Variants in LRRCC1 observed in about 807,000 individuals in gnomAD.
LRRCC1 encodes leucine rich repeat and coiled-coil centrosomal protein 1.
In LRRCC1, 115 loss-of-function variants were observed where a neutral mutation model predicts 126.0. The ratio of observed to expected loss-of-function variants is 0.91; its 90% CI spans 0.78 to 1.07. LRRCC1 has a LOEUF of 1.07. Ranked by LOEUF, LRRCC1 falls within the 50% of genes least tolerant of loss-of-function variation. The pLI is 0.00. For missense variants in LRRCC1, 1,172 were observed against 1,175.7 expected, an observed-to-expected ratio of 1.00 and a Z score of 0.05; for synonymous variants, 400 against 393.4, an observed-to-expected ratio of 1.02 and a Z score of -0.20.
chr8:85,130,286 C>A (rs866924690), intron 11 of LRRCC1, among the ~76,000 whole-genome samples: 1 of 151,826 alleles, frequency 6.6e-6, no homozygotes, highest in African/African-American at 2.4e-5. Context: ...CAGGCGCCCG[C>A]CACCATGCTG....
At position 85,145,520 on chromosome 8, in the gene LRRCC1, A is replaced by G; in HGVS notation, c.*9A>G. The G allele has an allele frequency of 2.5e-6, 4 of 1,572,678 alleles. No individual in the cohort carries two copies. In the South Asian group the frequency reaches 5.0e-5, roughly 20 times the overall value. On this transcript the variant is annotated 3_prime_UTR_variant, in exon 19 of 19. Coordinates refer to ENST00000360375, the MANE Select transcript of LRRCC1 (RefSeq NM_033402.5). ...TTCAGCAAGATATGTGATGGTTCTG[A>G]GAATGAATTTAATTGAAATAGACCA...
chr8:85,136,177 G>T (rs1263928958), intron 14 of LRRCC1, among the ~76,000 whole-genome samples: 1 of 152,108 alleles, frequency 6.6e-6, no homozygotes, highest in African/African-American at 2.4e-5. Flanking sequence ...AGAAGTTATG[G>T]CTCTGGTTTT....
Position 85,121,868 on chromosome 8 carries a change from T to C in LRRCC1, c.931-1545T>C, listed in dbSNP as rs1393951056. On this transcript the variant is annotated intron_variant, in intron 6 of 18. Transcript: ENST00000360375. ...TGTTTAAACATTATTTGTATTTATC[T>C]GTATATAAATCAACTTGTGATGCTC... is the stretch of plus-strand genomic sequence containing the variant. Among the ~76,000 whole-genome samples, 3 of 152,232 alleles carry C rather than the reference T, an allele frequency of 2.0e-5. No individual in the cohort carries two copies. In the East Asian group the frequency reaches 5.8e-4, roughly 29 times the overall value.
rs768550857 is a variant in LRRCC1 at position 85,126,831 on chromosome 8, C to T, written c.1415C>T (p.Thr472Ile). Residue 472 changes from threonine (T) to isoleucine (I), a missense_variant, in exon 9 of 19, where the codon ACA becomes ATA. Transcript: ENST00000360375. ...EDIHSLALLT[T>I]DRLKEIIFRE... is the part of the protein sequence containing the mutation. Reference sequence around the variant, plus strand: ...ATTCATAGTCTGGCTCTACTTACCACAGATAGGTAAAAAGAAATTAATAAA... The same window carrying T: ...ATTCATAGTCTGGCTCTACTTACCATAGATAGGTAAAAAGAAATTAATAAA... 4 of 1,605,710 alleles carry T rather than the reference C, an allele frequency of 2.5e-6. No individual in the cohort carries two copies.
intron 6 of LRRCC1, among the ~76,000 whole-genome samples, chr8:85,116,185 C>T (rs983853190): frequency 6.6e-6 from 1 of 152,198 alleles, no homozygotes; most frequent in African/African-American, 2.4e-5. Flanking sequence ...CTCCAACCCT[C>T]ACTCCAGCAT....
chr8:85,116,977 A>G (rs1809173855), intron 6 of LRRCC1, among the ~76,000 whole-genome samples: 1 of 152,150 alleles, frequency 6.6e-6, no homozygotes, highest in African/African-American at 2.4e-5. Flanking sequence ...TTGATACTGT[A>G]TGGCTGGACT....
chr8:85,109,653 A>G lies in LRRCC1; in HGVS notation c.163A>G (p.Ile55Val), dbSNP rs901572579. 12 of 1,611,668 alleles carry G rather than the reference A, an allele frequency of 7.4e-6. No homozygotes were observed. In the African/African-American group the frequency reaches 1.2e-4, roughly 16 times the overall value. ...LHAVNLHCNN[I>V]SKIEAIDHIW... ...TGCCGTCAATCTTCATTGCAATAAC[A>G]TCTCCAAGATCGAAGCCATTGATCA... Residue 55 changes from isoleucine (I) to valine (V), a missense_variant, in exon 2 of 19, where the codon ATC (isoleucine) becomes GTC (valine). Coordinates refer to ENST00000360375, the MANE Select transcript of LRRCC1 (RefSeq NM_033402.5).
intron 6 of LRRCC1, among the ~76,000 whole-genome samples, chr8:85,120,362 C>T (rs1809447075): frequency 6.6e-6 from 1 of 152,014 alleles, no homozygotes; most frequent in East Asian, 1.9e-4. Context: ...GTGTTGAAAT[C>T]TCTGTGGTTG....
At chr8:85,127,761 C>A (rs1346873152) in intron 9 of LRRCC1, among the ~76,000 whole-genome samples, 1 of 152,134 alleles carries the variant, frequency 6.6e-6, no homozygotes, top group Non-Finnish European at 1.5e-5. Flanking sequence ...GCTATGAGAA[C>A]CTCTATAATT....
intron 7 of LRRCC1, among the ~76,000 whole-genome samples, chr8:85,124,401 A>C (rs1029582876): frequency 3.9e-5 from 6 of 152,158 alleles, no homozygotes; most frequent in Non-Finnish European, 7.4e-5. Flanking sequence ...ACCAAGTGAT[A>C]GAATCTATTA....
At chr8:85,131,137 A>G (rs1044457815) in intron 11 of LRRCC1, among the ~76,000 whole-genome samples, 1 of 152,216 alleles carries the variant, frequency 6.6e-6, no homozygotes, top group African/African-American at 2.4e-5. Context: ...AGATGAGACA[A>G]TTATAAAAGA....
At chr8:85,139,389 C>T (rs1020971789) in intron 17 of LRRCC1, among the ~76,000 whole-genome samples, 3 of 152,028 alleles carry the variant, frequency 2.0e-5, no homozygotes, top group Non-Finnish European at 4.4e-5. Flanking sequence ...CTCAGCCTCC[C>T]GAGTAGCTGG....
At chr8:85,109,915 C>CA (rs1373250783) in intron 2 of LRRCC1, 115 bp downstream of exon 2, 1 of 637,718 alleles carries the variant, frequency 1.6e-6, no homozygotes, top group Non-Finnish European at 2.6e-6. Context: ...GTCTGAAACT[C>CA]ATTATACAAA....
In LRRCC1 at chr8:85,137,598, C is replaced by A; in HGVS notation, c.2464C>A (p.Gln822Lys). 1.4e-6 allele frequency: 2 copies of A among 1,471,174 alleles called. No homozygotes were observed. Among genetic ancestry groups the A allele is most frequent in the South Asian group, 1.6e-5 (1 of 63,392 alleles). The allele number at this position is 1,471,174 out of a possible 1,614,324, so 91.1% of individuals were successfully genotyped here. A position where few individuals can be genotyped will look rare whatever the true frequency, so the allele number is the denominator to read the frequency against. ...AATAAAGTGCAAAATCATAGACGAC[C>A]AAACTGAAACTATTAGAAAATTAAA... ...LRIKCKIIDD[Q>K]TETIRKLKDC... Residue 822 changes from glutamine to lysine, a missense_variant, in exon 15 of 19, where the codon CAA becomes AAA. By Grantham distance (53) the Gln-to-Lys change is moderately conservative. Coordinates refer to ENST00000360375, the MANE Select transcript of LRRCC1 (RefSeq NM_033402.5).
chr8:85,107,319 G>A lies in LRRCC1; in HGVS notation c.24G>A (p.Val8=), dbSNP rs1808309190. Residue 8 remains valine, a synonymous_variant, in exon 1 of 19, where the codon GTG becomes GTA. Coordinates refer to ENST00000360375, the MANE Select transcript of LRRCC1 (RefSeq NM_033402.5). ...CTATGGAGGCGGCGGCGGCGGTGGT[G>A]GCGGCAGAGGCGGAAGTGGAAAACG... is the stretch of plus-strand genomic sequence containing the variant. MEAAAAV[V]AAEAEVENED... 1 of 1,612,632 alleles carries A rather than the reference G, an allele frequency of 6.2e-7. No homozygotes were observed. Among genetic ancestry groups the A allele is most frequent in the Non-Finnish European group, 8.5e-7 (1 of 1,179,592 alleles).
Position 85,135,781 on chromosome 8 carries a change from A to G in LRRCC1, c.2155-8A>G. On this transcript the variant is annotated splice_polypyrimidine_tract_variant and splice_region_variant and intron_variant, in intron 13 of 18. Coordinates refer to ENST00000360375, the MANE Select transcript of LRRCC1 (RefSeq NM_033402.5). ...ATAATTCTTATTTTTTTTTTTGGGA[A>G]TATACAGAATCAAATCAACACCCTT... 1.4e-6 allele frequency: 2 copies of G among 1,434,070 alleles called. No homozygotes were observed. Among genetic ancestry groups the G allele is most frequent in the Non-Finnish European group, 1.8e-6 (2 of 1,083,018 alleles). 88.8% of individuals were successfully genotyped at this position (1,434,070 alleles called of 1,614,324 possible).
At position 85,123,480 on chromosome 8, in the gene LRRCC1, C is replaced by G. The variant is rs1263239783; in HGVS notation, c.998C>G (p.Ser333Cys). 3 of 1,610,562 alleles carry G rather than the reference C, an allele frequency of 1.9e-6. No homozygotes were observed. In the South Asian group the frequency reaches 3.3e-5, roughly 18 times the overall value. The change falls in exon 7 of 19, where the codon TCT becomes TGT. Residue 333 changes from serine (S) to cysteine (C), a missense_variant. Physicochemically the swap from Ser to Cys is moderately radical, Grantham distance 112 (BLOSUM62 -1). Coordinates refer to ENST00000360375, the MANE Select transcript of LRRCC1 (RefSeq NM_033402.5). ...CCAAAAAGAGACACAGATATAACTT[C>G]TGAAAGTGACTATGGAAACAGAAAA... Reference protein sequence around the residue: ...PRPKRDTDITSESDYGNRKEC... With the variant: ...PRPKRDTDITCESDYGNRKEC...
intron 18 of LRRCC1, among the ~76,000 whole-genome samples, chr8:85,145,149 C>T (rs1197694115): frequency 6.8e-6 from 1 of 146,420 alleles, no homozygotes; most frequent in Non-Finnish European, 1.5e-5. Flanking sequence ...ATGTCTTTTT[C>T]ACAAGTTTAT....
intron 6 of LRRCC1, among the ~76,000 whole-genome samples, chr8:85,120,099 G>A (rs1489175917): frequency 6.6e-6 from 1 of 151,906 alleles, no homozygotes; most frequent in East Asian, 1.9e-4. Flanking sequence ...AACATATTCT[G>A]AATAATTTCT....
Sources: allele counts gnomAD v4.1 joint callset (sites outside exome capture counted in the v4.1 genomes callset), GRCh38; gene constraint gnomAD v4.1.1; transcripts MANE v1.5; gene names NCBI Gene and HGNC (gene_info 2026-07-23, HGNC 2026-07-21).